The following OR2L13 variants were observed in gnomAD, a reference collection of about 807,000 sequenced individuals.
OR2L13 encodes the protein olfactory receptor family 2 subfamily L member 13, also known as olfactory receptor 2L13.
In OR2L13, 14 loss-of-function variants were observed where a neutral mutation model predicts 15.3. That is an observed-to-expected ratio of 0.91 (90% CI 0.60 to 1.43). The LOEUF is 1.43. Ranked by LOEUF, OR2L13 falls within the 40% of genes most tolerant of loss-of-function variation. The probability of loss-of-function intolerance (pLI) is 0.00; values close to 1 mark genes in which losing one functional copy is unlikely to be tolerated. For synonymous variants in OR2L13, 152 were observed against 142.9 expected (o/e 1.06, Z -0.45); for missense variants, 367 against 387.9 (o/e 0.95, Z 0.45).
At chr1:247,999,582 T>C in the OR2L13 span, among the ~76,000 whole-genome samples, 1 of 152,212 alleles carries the variant, frequency 6.6e-6, no homozygotes, top group African/African-American at 2.4e-5. Flanking sequence ...CAACATTATG[T>C]ACTGTGTCTC....
chr1:248,076,822 C>A, the OR2L13 span, among the ~76,000 whole-genome samples: 35 of 152,234 alleles, frequency 2.3e-4, no homozygotes, highest in African/African-American at 3.6e-4. Context: ...TTCCTAATTG[C>A]ATACCCTTTA....
At chr1:248,014,023 A>G in the OR2L13 span, among the ~76,000 whole-genome samples, 1 of 152,178 alleles carries the variant, frequency 6.6e-6, no homozygotes, top group Non-Finnish European at 1.5e-5. Context: ...TTTGGGCTCA[A>G]GTGAAATTTA....
the OR2L13 span, among the ~76,000 whole-genome samples, chr1:248,001,997 T>C: frequency 6.6e-6 from 1 of 152,192 alleles, no homozygotes; most frequent in African/African-American, 2.4e-5. Context: ...TACTTACCAA[T>C]AATTAACCAA....
chr1:247,971,693 A>G, the OR2L13 span, among the ~76,000 whole-genome samples: 2 of 152,168 alleles, frequency 1.3e-5, no homozygotes, highest in African/African-American at 4.8e-5. Context: ...CCCCACTGTC[A>G]ATATTACACA....
chr1:248,016,174 A>G, the OR2L13 span, among the ~76,000 whole-genome samples: 1,670 of 152,312 alleles, frequency 0.011, 25 homozygotes, highest in African/African-American at 0.038. Context: ...AAATCTATGC[A>G]ATTTAATGAT....
chr1:247,968,115 A>G, the OR2L13 span, among the ~76,000 whole-genome samples: 1 of 152,114 alleles, frequency 6.6e-6, no homozygotes, highest in South Asian at 2.1e-4. Context: ...GGTGCTTTTT[A>G]TTCATCGCAT....
At chr1:247,965,339 T>C in the OR2L13 span, 14 of 1,575,700 alleles carry the variant, frequency 8.9e-6, no homozygotes, top group Non-Finnish European at 1.2e-5. Flanking sequence ...TACATGAACA[T>C]TTCAGATGTC....
chr1:248,064,021 T>C, the OR2L13 span, among the ~76,000 whole-genome samples: 2 of 152,168 alleles, frequency 1.3e-5, no homozygotes, highest in Non-Finnish European at 2.9e-5. Context: ...GCCCTTTGAG[T>C]GTAGGACCTT....
rs780331148 is a variant in OR2L13, at chr1:248,100,277, G to A, written c.902G>A (p.Arg301Lys). The A allele has an allele frequency of 3.1e-6, 5 of 1,611,540 alleles. No homozygotes were observed. In the African/African-American group the frequency reaches 5.3e-5, roughly 17 times the overall value. Residue 301 changes from arginine to lysine, a missense_variant, in exon 3 of 3, where the codon AGG becomes AAG. Transcript: ENST00000641714. ...AATAAGGAAGTCCTGGGGGCTATGAGGAGAGTGTTTGGGATATTCTCTTTC... is the reference window on the plus strand; with the variant it reads ...AATAAGGAAGTCCTGGGGGCTATGAAGAGAGTGTTTGGGATATTCTCTTTC...
the OR2L13 span, among the ~76,000 whole-genome samples, chr1:247,998,272 G>A: frequency 1.2e-4 from 19 of 152,088 alleles, no homozygotes; most frequent in Non-Finnish European, 2.8e-4. Context: ...TGGTTTTGCA[G>A]CTAATTCATA....
the OR2L13 span, among the ~76,000 whole-genome samples, chr1:247,966,999 T>A: frequency 6.6e-6 from 1 of 150,938 alleles, no homozygotes; most frequent in Non-Finnish European, 1.5e-5. Flanking sequence ...GTGACTCTTT[T>A]CCTTCTGCAC....
the OR2L13 span, chr1:248,022,402 C>T: frequency 2.5e-6 from 4 of 1,614,162 alleles, no homozygotes; most frequent in East Asian, 8.9e-5. Context: ...ATGATAGGCT[C>T]CATCAACTCT....
At chr1:248,073,128 A>G in the OR2L13 span, among the ~76,000 whole-genome samples, 1 of 151,952 alleles carries the variant, frequency 6.6e-6, no homozygotes, top group East Asian at 1.9e-4. Flanking sequence ...ATTACTGGGT[A>G]TATACCCAAA....
the OR2L13 span, chr1:247,990,817 T>C: frequency 4.1e-4 from 660 of 1,601,458 alleles, 6 homozygotes; most frequent in African/African-American, 4.7e-3. Flanking sequence ...TCCAGCTATG[T>C]TGACCCTAGC....
the OR2L13 span, among the ~76,000 whole-genome samples, chr1:247,967,045 C>CACACACACGCACA: frequency 3.4e-5 from 5 of 147,510 alleles, no homozygotes; most frequent in African/African-American, 9.9e-5. Context: ...ACACCACACA[C>CACACACACGCACA]CACACACACA....
the OR2L13 span, among the ~76,000 whole-genome samples, chr1:248,076,541 C>T: frequency 2.0e-5 from 3 of 152,140 alleles, no homozygotes; most frequent in African/African-American, 7.2e-5. Context: ...GTTTGTAGTT[C>T]TCCTTGAAAA....
At chr1:248,078,755 GGT>G in the OR2L13 span, among the ~76,000 whole-genome samples, 1 of 151,670 alleles carries the variant, frequency 6.6e-6, no homozygotes, top group Non-Finnish European at 1.5e-5. Context: ...AACAAACTTT[GGT>G]ACAATTAGAC....
At chr1:247,993,253 T>C in the OR2L13 span, among the ~76,000 whole-genome samples, 1 of 152,170 alleles carries the variant, frequency 6.6e-6, no homozygotes, top group African/African-American at 2.4e-5. Context: ...TTTATTTAAC[T>C]TCCCTACAGA....
chr1:247,949,626 A>G, the OR2L13 span: 96 of 1,613,824 alleles, frequency 5.9e-5, 2 homozygotes, highest in East Asian at 2.1e-3. Context: ...TTTTGTCTAC[A>G]CTTATCTACG....
Sources: allele counts gnomAD v4.1 joint callset (sites outside exome capture counted in the v4.1 genomes callset), GRCh38; gene constraint gnomAD v4.1.1; transcripts MANE v1.5; gene names NCBI Gene and HGNC (gene_info 2026-07-23, HGNC 2026-07-21).